Variants in ADAMTSL1 observed in about 807,000 individuals in gnomAD.
ADAMTSL1 encodes the protein ADAMTS like 1.
A neutral mutation model predicts 201.8 loss-of-function variants in ADAMTSL1; 126 were observed. The observed-to-expected ratio is 0.62, with a 90% confidence interval of 0.54 to 0.72. The LOEUF is 0.72. Among genes scored for constraint, ADAMTSL1 ranks in the 30% least tolerant of loss-of-function variants. The probability of loss-of-function intolerance (pLI) is 0.00; values close to 1 mark genes in which losing one functional copy is unlikely to be tolerated. For missense variants in ADAMTSL1, 2,679 were observed against 2,277.8 expected, an observed-to-expected ratio of 1.18 and a Z score of -3.59; for synonymous variants, 1,121 against 903.4, an observed-to-expected ratio of 1.24 and a Z score of -4.32.
chr9:18,576,097 A>T (rs1371080641), intron 4 of ADAMTSL1, among the ~76,000 whole-genome samples: 1 of 152,166 alleles, frequency 6.6e-6, no homozygotes, highest in African/African-American at 2.4e-5. Context: ...TATTCTTATG[A>T]GTATGACAGA....
chr9:17,934,478 C>T (rs554984312), intron 1 of ADAMTSL1, among the ~76,000 whole-genome samples: 4 of 152,126 alleles, frequency 2.6e-5, no homozygotes, highest in Non-Finnish European at 5.9e-5. Context: ...TAAGCCTTAA[C>T]GCAGTTTAAT....
intron 1 of ADAMTSL1, among the ~76,000 whole-genome samples, chr9:17,961,903 G>A (rs1817771470): frequency 6.6e-6 from 1 of 152,160 alleles, no homozygotes; most frequent in Non-Finnish European, 1.5e-5. Context: ...ACTCCCTGGA[G>A]CCATAAGCTT....
At chr9:18,247,396 T>G (rs1196218405) in intron 2 of ADAMTSL1, among the ~76,000 whole-genome samples, 1 of 152,186 alleles carries the variant, frequency 6.6e-6, no homozygotes, top group Admixed American at 6.5e-5. Flanking sequence ...CATCAATAAT[T>G]TTCATTCATT....
chr9:18,322,143 T>C (rs1372531854), intron 2 of ADAMTSL1, among the ~76,000 whole-genome samples: 1 of 152,170 alleles, frequency 6.6e-6, no homozygotes, highest in Non-Finnish European at 1.5e-5. Context: ...TAGAGATTTA[T>C]AGACTTAAAG....
intron 4 of ADAMTSL1, among the ~76,000 whole-genome samples, chr9:18,621,309 G>A (rs1587724181): frequency 6.6e-6 from 1 of 152,164 alleles, no homozygotes; most frequent in African/African-American, 2.4e-5. Context: ...AGCCTGTGAT[G>A]TTGTTAAGCC....
chr9:18,361,727 A>AT (rs1389435211), intron 2 of ADAMTSL1, among the ~76,000 whole-genome samples: 7 of 152,152 alleles, frequency 4.6e-5, no homozygotes, highest in African/African-American at 9.7e-5. Flanking sequence ...GGATTCAGAT[A>AT]TTTTTGTGAG....
At chr9:18,699,995 AAAC>A (rs1181078770) in intron 13 of ADAMTSL1, among the ~76,000 whole-genome samples, 3 of 152,222 alleles carry the variant, frequency 2.0e-5, no homozygotes, top group Non-Finnish European at 2.9e-5. Flanking sequence ...AGAGAATTGT[AAAC>A]AACAGCAGTT....
chr9:18,232,347 C>G (rs10963532), intron 2 of ADAMTSL1, among the ~76,000 whole-genome samples: 26,967 of 152,064 alleles, frequency 0.18, 2,538 homozygotes, highest in East Asian at 0.25. Context: ...ACAGGTCATT[C>G]TTTTGGTAAG....
chr9:18,657,698 C>T lies in ADAMTSL1; in HGVS notation c.894C>T (p.Ile298=). 1.9e-6 allele frequency: 3 copies of T among 1,614,226 alleles called. No individual in the cohort carries two copies. Among genetic ancestry groups the T allele is most frequent in the Non-Finnish European group, 2.5e-6 (3 of 1,180,036 alleles). ...TVQFIFYQPI[I]HRWRETDFFP... ...AGTTCATCTTCTATCAACCCATCAT[C>T]CACCGATGGAGGGAGACGGATTTCT... is the stretch of plus-strand genomic sequence containing the variant. Residue 298 remains isoleucine (I), a synonymous_variant, in exon 8 of 29, where the codon ATC becomes ATT. Coordinates refer to ENST00000380548, the MANE Select transcript of ADAMTSL1 (RefSeq NM_001040272.6).
intron 2 of ADAMTSL1, among the ~76,000 whole-genome samples, chr9:18,315,331 C>G (rs1834339547): frequency 6.6e-6 from 1 of 152,156 alleles, no homozygotes; most frequent in South Asian, 2.1e-4. Context: ...GCATCCCGCG[C>G]CAGGGTCGCA....
At chr9:18,866,127 A>AAAAAAAAAAAAAAAAAAAAAAAAAAAAAG in intron 23 of ADAMTSL1, among the ~76,000 whole-genome samples, 1 of 151,170 alleles carries the variant, frequency 6.6e-6, no homozygotes, top group Non-Finnish European at 1.5e-5. Context: ...AAAAAAAAAA[A>AAAAAAAAAAAAAAAAAAAAAAAAAAAAAG]AAATGACGGA....
chr9:18,812,681 A>T (rs1333949804), intron 20 of ADAMTSL1, among the ~76,000 whole-genome samples: 3 of 152,168 alleles, frequency 2.0e-5, no homozygotes, highest in African/African-American at 7.2e-5. Flanking sequence ...TTTGGGTCTT[A>T]CATTTAAATC....
intron 3 of ADAMTSL1, among the ~76,000 whole-genome samples, chr9:18,565,253 T>C (rs1821804915): frequency 6.6e-6 from 1 of 152,198 alleles, no homozygotes; most frequent in Non-Finnish European, 1.5e-5. Flanking sequence ...AGTAAACACA[T>C]AGTAGGGCAC....
At chr9:18,844,485 G>T (rs1481730369) in intron 23 of ADAMTSL1, among the ~76,000 whole-genome samples, 2 of 152,190 alleles carry the variant, frequency 1.3e-5, no homozygotes, top group Non-Finnish European at 2.9e-5. Flanking sequence ...GGGGGTCAGG[G>T]GTCAGGGACC....
intron 2 of ADAMTSL1, among the ~76,000 whole-genome samples, chr9:18,372,168 A>G (rs1730471428): frequency 1.3e-5 from 2 of 152,208 alleles, no homozygotes. Context: ...TCTACCGTAC[A>G]GCACTTAAAA....
intron 2 of ADAMTSL1, among the ~76,000 whole-genome samples, chr9:18,453,964 G>T (rs1820510994): frequency 6.6e-6 from 1 of 152,184 alleles, no homozygotes; most frequent in Non-Finnish European, 1.5e-5. Context: ...ACCAAAATCT[G>T]TATTAGTCTG....
intron 3 of ADAMTSL1, among the ~76,000 whole-genome samples, chr9:18,568,529 A>G (rs16936853): frequency 0.012 from 1,775 of 152,316 alleles, 20 homozygotes; most frequent in East Asian, 0.045. Context: ...AGTAGCTGGT[A>G]AATTTCCACG....
At chr9:18,438,538 C>T (rs1819851944) in intron 2 of ADAMTSL1, among the ~76,000 whole-genome samples, 1 of 152,210 alleles carries the variant, frequency 6.6e-6, no homozygotes, top group African/African-American at 2.4e-5. Flanking sequence ...TTCCTCCTCT[C>T]TCCGGCCCCA....
At chr9:18,195,789 C>T (rs1829151203) in intron 2 of ADAMTSL1, among the ~76,000 whole-genome samples, 1 of 151,968 alleles carries the variant, frequency 6.6e-6, no homozygotes, top group Middle Eastern at 3.4e-3. Flanking sequence ...ATCTCATGGC[C>T]CTTTTAAGTG....
Sources: gnomAD v4.1 joint callset for allele counts (sites outside exome capture counted in the v4.1 genomes callset) on GRCh38, gnomAD v4.1.1 for gene constraint, MANE v1.5 for transcripts, NCBI Gene and HGNC (gene_info 2026-07-23, HGNC 2026-07-21) for gene names.